Variants in PRRC2B observed in about 807,000 individuals in gnomAD.
The protein encoded by PRRC2B is protein PRRC2B.
A neutral mutation model predicts 242.3 loss-of-function variants in PRRC2B; 68 were observed. The observed-to-expected ratio is 0.28, with a 90% CI of 0.23 to 0.34. PRRC2B has a LOEUF of 0.34. PRRC2B is among the 10% of genes least tolerant of loss of function. The pLI is 1.00. For missense variants in PRRC2B, 2,835 were observed against 2,954.8 expected, an observed-to-expected ratio of 0.96 and a Z score of 0.94; for synonymous variants, 1,228 against 1,173.6, an observed-to-expected ratio of 1.05 and a Z score of -0.95.
At position 131,497,782 on chromosome 9, in the gene PRRC2B, T is replaced by C. The variant is rs538619986; in HGVS notation, c.*1908T>C. ...GTCTTTTCCCTCTTTATCCCAAGCCTTTATGCTTGAGTCCCTTCCCCAGGG... is the reference window on the plus strand; with the variant it reads ...GTCTTTTCCCTCTTTATCCCAAGCCCTTATGCTTGAGTCCCTTCCCCAGGG... On this transcript the variant is annotated 3_prime_UTR_variant, in exon 32 of 32. Coordinates refer to ENST00000683519, the MANE Select transcript of PRRC2B (RefSeq NM_013318.4). The C allele has an allele frequency of 6.6e-6, 1 of 152,404 alleles. No homozygotes were observed. The highest frequency in any genetic ancestry group is 1.9e-4 in the East Asian group (1 of 5,170). The allele number at this position is 152,404 out of a possible 1,614,324, so 9.4% of individuals were successfully genotyped here.
chr9:131,442,395 G>A (rs938676758), intron 5 of PRRC2B, among the ~76,000 whole-genome samples: 5 of 152,004 alleles, frequency 3.3e-5, no homozygotes, highest in Admixed American at 2.0e-4. Context: ...TCTTGCCAGT[G>A]ACCTTCTACC....
At chr9:131,481,664 C>G (rs2131461347) in intron 19 of PRRC2B, 62 bp from the exon 20 acceptor site, 1 of 1,309,422 alleles carries the variant, frequency 7.6e-7, no homozygotes, top group East Asian at 2.5e-5. Context: ...TCTTTAAGAG[C>G]TCATAAACTC....
intron 28 of PRRC2B, among the ~76,000 whole-genome samples, chr9:131,489,378 G>C (rs1199479447): frequency 1.3e-5 from 2 of 151,796 alleles, no homozygotes; most frequent in African/African-American, 4.8e-5. Flanking sequence ...AGAGATGGGG[G>C]TTTCACCATG....
At chr9:131,436,514 G>C in intron 3 of PRRC2B, 106 bp from the exon 4 acceptor site, 1 of 790,082 alleles carries the variant, frequency 1.3e-6, no homozygotes. Flanking sequence ...GGCCAGAGGA[G>C]GTCTGCTTCC....
In PRRC2B at chr9:131,491,545, G is replaced by A. The variant is rs758106828; in HGVS notation, c.6346G>A (p.Gly2116Arg). 89 of 1,611,024 alleles carry A rather than the reference G, an allele frequency of 5.5e-5. No individual in the cohort carries two copies. Among genetic ancestry groups the A allele is most frequent in the Middle Eastern group, 1.6e-4 (1 of 6,074 alleles). ...VGAPRRIPPPGSQPPVLNTSR... is the reference protein window; with the variant it reads ...VGAPRRIPPPRSQPPVLNTSR... ...GGCCCCCCGAAGGATTCCTCCGCCC[G>A]GGTCCCAGCCGCCAGTCCTGAACAC... is the stretch of plus-strand genomic sequence containing the variant. Residue 2116 changes from glycine to arginine, a missense_variant, in exon 29 of 32, where the codon GGG becomes AGG. Gly to Arg is a moderately radical substitution (Grantham distance 125). Around this residue, in one of 7 missense-constraint regions of PRRC2B, gnomAD observed 574 missense variants for 626.0 expected, o/e 0.92. Coordinates refer to ENST00000683519, the MANE Select transcript of PRRC2B (RefSeq NM_013318.4).
intron 4 of PRRC2B, 58 bp from the exon 5 acceptor site, chr9:131,438,931 G>GTT: frequency 7.3e-7 from 1 of 1,369,220 alleles, no homozygotes; most frequent in Non-Finnish European, 1.0e-6. Flanking sequence ...GTAATAGGCT[G>GTT]TTATTGTACA....
Position 131,494,449 on chromosome 9 carries a change from T to G in PRRC2B, c.6518T>G (p.Val2173Gly). Residue 2173 changes from valine to glycine, a missense_variant, in exon 31 of 32, where the codon GTT becomes GGT. By Grantham distance (109) the Val-to-Gly change is moderately radical. Coordinates refer to ENST00000683519, the MANE Select transcript of PRRC2B (RefSeq NM_013318.4). The surrounding 1 kb of genome is among the most constrained non-coding windows in gnomAD (Gnocchi z 4.3). Reference protein sequence around the residue: ...SPSGKPSGSAVNMGSVQGHYV... With the variant: ...SPSGKPSGSAGNMGSVQGHYV... ...AGTGGGAAGCCCTCTGGATCAGCAG[T>G]TAACATGGGCTCTGTGCAGGGACAC... The G allele has an allele frequency of 6.2e-7, 1 of 1,606,810 alleles. No homozygotes were observed. Among genetic ancestry groups the G allele is most frequent in the East Asian group, 2.2e-5 (1 of 44,684 alleles).
chr9:131,496,032 C>G lies in PRRC2B; in HGVS notation c.*158C>G. 1 of 1,028,138 alleles carries G rather than the reference C, an allele frequency of 9.7e-7. No homozygotes were observed. The highest frequency in any genetic ancestry group is 1.4e-6 in the Non-Finnish European group (1 of 724,422). 63.7% of individuals were successfully genotyped at this position (1,028,138 alleles called of 1,614,324 possible). On this transcript the variant is annotated 3_prime_UTR_variant, in exon 32 of 32. Transcript: ENST00000683519. ...TCTCCACTCCCGAAAGCTCCGTTGT[C>G]AACCAGCTTGCACCCGTGGATATAT... is the stretch of plus-strand genomic sequence containing the variant.
At chr9:131,403,060 C>T (rs1202904475) in intron 1 of PRRC2B, among the ~76,000 whole-genome samples, 1 of 152,186 alleles carries the variant, frequency 6.6e-6, no homozygotes, top group Non-Finnish European at 1.5e-5. Context: ...TCCATGGGTC[C>T]TTTGTGTCTT....
chr9:131,413,046 C>G (rs920013517), intron 1 of PRRC2B, among the ~76,000 whole-genome samples: 1 of 152,232 alleles, frequency 6.6e-6, no homozygotes. Context: ...CCTGTGCTAA[C>G]ATTCTTAAAT....
chr9:131,439,900 A>AT (rs11326366), intron 5 of PRRC2B, among the ~76,000 whole-genome samples: 4 of 144,320 alleles, frequency 2.8e-5, no homozygotes, highest in African/African-American at 5.1e-5. Context: ...CATCTGGCTG[A>AT]TTTTTTTTTT....
chr9:131,422,003 C>T (rs1055966447), intron 1 of PRRC2B, among the ~76,000 whole-genome samples: 95 of 152,188 alleles, frequency 6.2e-4, no homozygotes, highest in African/African-American at 2.3e-3. Context: ...CTGCACTCGG[C>T]AGCCTTGTGA....
At chr9:131,416,541 A>G (rs1446654472) in intron 1 of PRRC2B, among the ~76,000 whole-genome samples, 2 of 152,174 alleles carry the variant, frequency 1.3e-5, no homozygotes, top group African/African-American at 4.8e-5. Flanking sequence ...TATTTGTCAC[A>G]ACTAATGAAC....
intron 26 of PRRC2B, chr9:131,486,581 G>C: frequency 1.1e-6 from 1 of 907,306 alleles, no homozygotes; most frequent in Non-Finnish European, 1.3e-6. Flanking sequence ...ATTTATGCAG[G>C]ACTGGCATAC....
At chr9:131,396,072 C>A (rs1461351015) in intron 1 of PRRC2B, among the ~76,000 whole-genome samples, 1 of 152,180 alleles carries the variant, frequency 6.6e-6, no homozygotes, top group African/African-American at 2.4e-5. Flanking sequence ...GTCTCTGAGG[C>A]TCAGATCTTG....
At chr9:131,380,894 A>AAAAAAAAAAAAAG (rs1404735078) in intron 1 of PRRC2B, among the ~76,000 whole-genome samples, 1 of 151,520 alleles carries the variant, frequency 6.6e-6, no homozygotes, top group Admixed American at 6.6e-5. Flanking sequence ...TCCAAAAAAA[A>AAAAAAAAAAAAAG]AAAAAGAGTG....
intron 1 of PRRC2B, among the ~76,000 whole-genome samples, chr9:131,385,003 T>C (rs1385130881): frequency 6.6e-6 from 1 of 152,076 alleles, no homozygotes; most frequent in Non-Finnish European, 1.5e-5. Context: ...TGTTTCCTTT[T>C]AGTTAATTAA....
At chr9:131,467,426 G>C (rs1943428776) in intron 12 of PRRC2B, 137 bp from the exon 13 acceptor site, 1 of 744,826 alleles carries the variant, frequency 1.3e-6, no homozygotes, top group Non-Finnish European at 2.1e-6. Context: ...GTTTGGCACA[G>C]GGCCAGGGTT....
Position 131,475,428 on chromosome 9 carries a change from A to T in PRRC2B, c.3299A>T (p.Tyr1100Phe), listed in dbSNP as rs1239448715. 5 of 1,578,922 alleles carry T rather than the reference A, an allele frequency of 3.2e-6. No homozygotes were observed. In the Admixed American group the frequency reaches 9.2e-5, roughly 29 times the overall value. Residue 1100 changes from tyrosine to phenylalanine, a missense_variant, in exon 16 of 32, where the codon TAC (tyrosine) becomes TTC (phenylalanine). Transcript: ENST00000683519. Reference sequence around the variant, plus strand: ...GGGGTCCTGGGGGCCCGCAGCATCTACTGCAGCAGTCAGCGCAGCGGCCGT... The same window carrying T: ...GGGGTCCTGGGGGCCCGCAGCATCTTCTGCAGCAGTCAGCGCAGCGGCCGT... ...GGGVLGARSI[Y>F]CSSQRSGRGR...
Sources: gnomAD v4.1 joint callset for allele counts (sites outside exome capture counted in the v4.1 genomes callset) on GRCh38, gnomAD v4.1.1 for gene constraint, gnomAD v4.1.1 regional missense constraint, Gnocchi (gnomAD v3.1) non-coding constraint, MANE v1.5 for transcripts, NCBI Gene and HGNC (gene_info 2026-07-23, HGNC 2026-07-21) for gene names.